The following ADARB1 variants were observed in gnomAD, a reference collection of about 807,000 sequenced individuals.
ADARB1 encodes the protein double-stranded RNA-specific editase 1.
A neutral mutation model predicts 52.4 loss-of-function variants in ADARB1; 10 were observed. That is an observed-to-expected ratio of 0.19 (90% CI 0.12 to 0.32). The LOEUF is 0.32. Among genes scored for constraint, ADARB1 ranks in the 10% least tolerant of loss-of-function variants. The probability of loss-of-function intolerance (pLI) is 1.00; values close to 1 mark genes in which losing one functional copy is unlikely to be tolerated. For missense variants in ADARB1, 643 were observed against 922.3 expected, an observed-to-expected ratio of 0.70 and a Z score of 3.92; for synonymous variants, 349 against 371.1, an observed-to-expected ratio of 0.94 and a Z score of 0.68.
chr21:45,130,772 C>G (rs2088882668), intron 2 of ADARB1, among the ~76,000 whole-genome samples: 1 of 152,136 alleles, frequency 6.6e-6, no homozygotes, highest in Non-Finnish European at 1.5e-5. Flanking sequence ...TTCAGGCAGA[C>G]TCACTGTTTT....
At chr21:45,195,560 T>C (rs1367256468) in intron 8 of ADARB1, among the ~76,000 whole-genome samples, 5 of 152,144 alleles carry the variant, frequency 3.3e-5, no homozygotes, top group Non-Finnish European at 2.9e-5. Context: ...GGTTGTGACC[T>C]ACTTTGAGTT....
chr21:45,100,212 T>C (rs1423442200), intron 1 of ADARB1, among the ~76,000 whole-genome samples: 1 of 152,218 alleles, frequency 6.6e-6, no homozygotes, highest in East Asian at 1.9e-4. Context: ...GTCTGCTCTT[T>C]GGAACTAGGT....
At chr21:45,218,682 C>T (rs778037435) in intron 9 of ADARB1, among the ~76,000 whole-genome samples, 8 of 152,190 alleles carry the variant, frequency 5.3e-5, no homozygotes, top group Admixed American at 1.3e-4. Flanking sequence ...AGTGAACTGT[C>T]ATCTGGGTTT....
intron 1 of ADARB1, among the ~76,000 whole-genome samples, chr21:45,113,167 G>C (rs546518739): frequency 6.6e-6 from 1 of 152,276 alleles, no homozygotes; most frequent in South Asian, 2.1e-4. Context: ...GCTCACGCCT[G>C]TAATTCCAGC....
intron 8 of ADARB1, among the ~76,000 whole-genome samples, chr21:45,197,959 TG>T (rs2092462269): frequency 6.6e-6 from 1 of 152,046 alleles, no homozygotes; most frequent in Non-Finnish European, 1.5e-5. Context: ...TGAGGTCACA[TG>T]GGTACATACA....
At chr21:45,084,030 TGAA>T (rs2086248001) in intron 1 of ADARB1, among the ~76,000 whole-genome samples, 2 of 152,150 alleles carry the variant, frequency 1.3e-5, no homozygotes, top group Non-Finnish European at 2.9e-5. Flanking sequence ...CTGTTTTTGG[TGAA>T]GGAGCAAACA....
chr21:45,094,025 A>G (rs421643), intron 1 of ADARB1, among the ~76,000 whole-genome samples: 129,706 of 152,200 alleles, frequency 0.85, 55,547 homozygotes, highest in Non-Finnish European at 0.9. Flanking sequence ...CATCCTGATT[A>G]TAACTTTTTT....
intron 1 of ADARB1, among the ~76,000 whole-genome samples, chr21:45,109,742 C>T (rs2087449712): frequency 2.0e-5 from 3 of 152,320 alleles, no homozygotes; most frequent in South Asian, 4.1e-4. Context: ...TTAAAACCAA[C>T]GTCTTGATGC....
rs904963768 is a variant in ADARB1 at position 45,176,846 on chromosome 21, C to T, written c.963+182C>T. On this transcript the variant is annotated intron_variant, in intron 4 of 10. Transcript: ENST00000348831. The surrounding 1 kb of genome is among the most constrained non-coding windows in gnomAD (Gnocchi z 5.8). Reference sequence around the variant, plus strand: ...CATGGCCATGTGGCCACTGAGAAGCCGTCTGCATCCTAGTGCATGCTGGGT... The same window carrying T: ...CATGGCCATGTGGCCACTGAGAAGCTGTCTGCATCCTAGTGCATGCTGGGT... 1.3e-5 allele frequency among the ~76,000 whole-genome samples: 2 copies of T among 152,162 alleles called. No individual in the cohort carries two copies. Among genetic ancestry groups the T allele is most frequent in the Admixed American group, 1.3e-4 (2 of 15,282 alleles).
At chr21:45,074,878 G>T in intron 1 of ADARB1, 85 bp downstream of exon 1, 1 of 150,042 alleles carries the variant, frequency 6.7e-6, no homozygotes, top group South Asian at 2.0e-4. Context: ...GCGCCGGGCA[G>T]GGACTGGTGG....
intron 1 of ADARB1, among the ~76,000 whole-genome samples, chr21:45,077,936 C>T (rs75022962): frequency 0.037 from 5,562 of 152,298 alleles, 119 homozygotes; most frequent in African/African-American, 0.067. Context: ...ACAGGGACAG[C>T]GCAGTAGCCC....
intron 1 of ADARB1, among the ~76,000 whole-genome samples, chr21:45,110,313 A>G (rs2087477050): frequency 2.0e-5 from 3 of 152,322 alleles, no homozygotes; most frequent in Admixed American, 1.3e-4. Context: ...TGTTTATTCT[A>G]TGAAATAATT....
At chr21:45,098,438 C>T (rs2086858769) in intron 1 of ADARB1, among the ~76,000 whole-genome samples, 3 of 152,216 alleles carry the variant, frequency 2.0e-5, no homozygotes. Context: ...TCTTCCTCTG[C>T]TGACGGCCCC....
In ADARB1 at chr21:45,117,480, A is replaced by G. The variant is rs116328618; in HGVS notation, c.-219-10922A>G. Among the ~76,000 whole-genome samples the G allele has an allele frequency of 8.9e-3, 1,362 of 152,214 alleles. 24 individuals are homozygous for G. The highest frequency in any genetic ancestry group is 0.031 in the African/African-American group (1,305 of 41,524). On this transcript the variant is annotated intron_variant, in intron 1 of 10. Transcript: ENST00000348831. ...AGGGGTTTTCTGTGCACATCTCTCT[A>G]TAACGCAGCTGTCCCGTCACATCCT...
intron 9 of ADARB1, among the ~76,000 whole-genome samples, chr21:45,216,635 A>G (rs755515307): frequency 5.9e-5 from 9 of 152,120 alleles, no homozygotes; most frequent in Non-Finnish European, 1.3e-4. Context: ...AATATGATCT[A>G]TCTTTATAAG....
intron 7 of ADARB1, 96 bp downstream of exon 7, chr21:45,183,606 T>C (rs1351353766): frequency 7.2e-7 from 1 of 1,397,034 alleles, no homozygotes; most frequent in East Asian, 2.4e-5. Context: ...TTTTTTCTTT[T>C]TATTTTTAGA....
chr21:45,164,283 A>G (rs1436603830), intron 2 of ADARB1, among the ~76,000 whole-genome samples: 1 of 152,254 alleles, frequency 6.6e-6, no homozygotes, highest in East Asian at 1.9e-4. Flanking sequence ...ATGTGTCCAC[A>G]GGGCCTGAAG....
chr21:45,115,792 T>C (rs929163202), intron 1 of ADARB1, among the ~76,000 whole-genome samples: 14 of 152,188 alleles, frequency 9.2e-5, no homozygotes, highest in African/African-American at 3.4e-4. Flanking sequence ...TTCAAATGTG[T>C]GAGTTTCTGG....
Position 45,224,685 on chromosome 21 carries a change from G to A in ADARB1, c.*2488G>A. The stretch of plus-strand genomic sequence containing the variant: ...GTTCCGGGAGCCCTGGGCCGGGGCA[G>A]GGGGCGGCTGTAGGAAGGAACTGGT... On this transcript the variant is annotated 3_prime_UTR_variant, in exon 11 of 11. Transcript: ENST00000348831. The A allele has an allele frequency of 2.3e-6, 2 of 852,070 alleles. No individual in the cohort carries two copies. Among genetic ancestry groups the A allele is most frequent in the South Asian group, 5.8e-5 (1 of 17,360 alleles). The allele number at this position is 852,070 out of a possible 1,614,324, so 52.8% of individuals were successfully genotyped here. A position where few individuals can be genotyped will look rare whatever the true frequency, so the allele number is the denominator to read the frequency against.
Sources: allele counts gnomAD v4.1 joint callset (sites outside exome capture counted in the v4.1 genomes callset), GRCh38; gene constraint gnomAD v4.1.1; non-coding constraint Gnocchi (gnomAD v3.1); transcripts MANE v1.5; gene names NCBI Gene and HGNC (gene_info 2026-07-23, HGNC 2026-07-21).